The following SYNE1 variants were observed in gnomAD, a reference collection of about 807,000 sequenced individuals.
The protein encoded by SYNE1 is spectrin repeat containing nuclear envelope protein 1.
A neutral mutation model predicts 1,111.0 loss-of-function variants in SYNE1; 616 were observed. The ratio of observed to expected loss-of-function variants is 0.55; its 90% CI spans 0.52 to 0.59. The LOEUF is 0.59. Ranked by LOEUF, SYNE1 falls within the 20% of genes least tolerant of loss-of-function variation. The probability of loss-of-function intolerance (pLI) is 0.00; values close to 1 mark genes in which losing one functional copy is unlikely to be tolerated. For synonymous variants in SYNE1, 3,855 were observed against 3,825.8 expected, an observed-to-expected ratio of 1.01 and a Z score of -0.28; for missense variants, 10,006 against 10,417.0, an observed-to-expected ratio of 0.96 and a Z score of 1.72.
In SYNE1 at chr6:152,152,144, A is replaced by G. The variant is rs1405400564; in HGVS notation, c.24130-3T>C. Reference sequence around the variant, plus strand: ...TCGTGGACCTGTCGCTGGAAAGCCTAAGGCCACAGAGAAGCATATCAGTGT... The same window carrying G: ...TCGTGGACCTGTCGCTGGAAAGCCTGAGGCCACAGAGAAGCATATCAGTGT... On this transcript the variant is annotated splice_polypyrimidine_tract_variant and splice_region_variant and intron_variant, in intron 133 of 145. Transcript: ENST00000367255. 5 of 1,613,870 alleles carry G rather than the reference A, an allele frequency of 3.1e-6. 1 individual carries two copies. Among genetic ancestry groups the G allele is most frequent in the Non-Finnish European group, 2.5e-6 (3 of 1,179,944 alleles).
At chr6:152,510,458 AGTTAT>A (rs1203347013) in intron 7 of SYNE1, 87 bp from the exon 8 acceptor site, 2 of 1,453,726 alleles carry the variant, frequency 1.4e-6, no homozygotes, top group Admixed American at 2.0e-5. Flanking sequence ...GCAACAAATG[AGTTAT>A]GTTAACACTC....
At chr6:152,199,907 A>G (rs1193996082) in intron 127 of SYNE1, among the ~76,000 whole-genome samples, 3 of 152,194 alleles carry the variant, frequency 2.0e-5, no homozygotes, top group Non-Finnish European at 2.9e-5. Flanking sequence ...TGTAACTGTC[A>G]TGTTTTTTGG....
At chr6:152,324,951 T>G in intron 81 of SYNE1, 133 bp downstream of exon 81, 4 of 1,039,338 alleles carry the variant, frequency 3.8e-6, no homozygotes, top group Non-Finnish European at 5.8e-6. Flanking sequence ...AATTTTTATG[T>G]CACTGAAACA....
chr6:152,213,258 C>T (rs1445513266), intron 123 of SYNE1, among the ~76,000 whole-genome samples: 1 of 152,042 alleles, frequency 6.6e-6, no homozygotes, highest in Non-Finnish European at 1.5e-5. Flanking sequence ...AGCAATTGTC[C>T]TTGGCATATT....
chr6:152,476,351 T>C (rs920656398), intron 14 of SYNE1, among the ~76,000 whole-genome samples: 10 of 152,202 alleles, frequency 6.6e-5, no homozygotes, highest in African/African-American at 2.2e-4. Context: ...AATCATAGTG[T>C]CATTTATGAC....
chr6:152,573,153 G>T (rs1296063900), intron 3 of SYNE1, among the ~76,000 whole-genome samples: 1 of 152,020 alleles, frequency 6.6e-6, no homozygotes, highest in Non-Finnish European at 1.5e-5. Flanking sequence ...CCTACTTGAG[G>T]TCTCTATAGA....
intron 15 of SYNE1, 146 bp from the exon 16 acceptor site, chr6:152,471,911 CT>C: frequency 1.2e-6 from 1 of 810,318 alleles, no homozygotes; most frequent in Non-Finnish European, 2.0e-6. Context: ...AATCCGATTC[CT>C]TTTCTAGCTC....
intron 100 of SYNE1, among the ~76,000 whole-genome samples, chr6:152,266,745 T>G (rs527376794): frequency 3.3e-4 from 51 of 152,312 alleles, no homozygotes; most frequent in African/African-American, 1.2e-3. Flanking sequence ...ACATTTTTTG[T>G]CACAATATAT....
chr6:152,305,321 A>G (rs1311975318), intron 91 of SYNE1, among the ~76,000 whole-genome samples: 1 of 152,162 alleles, frequency 6.6e-6, no homozygotes, highest in African/African-American at 2.4e-5. Context: ...GCTGGAGTGC[A>G]GTGACACAAT....
At chr6:152,521,879 A>G (rs1325409844) in intron 5 of SYNE1, among the ~76,000 whole-genome samples, 1 of 152,024 alleles carries the variant, frequency 6.6e-6, no homozygotes, top group African/African-American at 2.4e-5. Context: ...GCAATCTTTT[A>G]TTGTCAATAT....
rs778820710 is a variant in SYNE1 at position 152,330,606 on chromosome 6, T to C, written c.14079A>G (p.Gln4693=). ...TGGGAACTTTGCTCATCCTCAAGAATTGGGCTTCAAGTTCACTCAGAGACT... is the reference window on the plus strand; with the variant it reads ...TGGGAACTTTGCTCATCCTCAAGAACTGGGCTTCAAGTTCACTCAGAGACT... ...TTQSLSELEA[Q]FLRMSKVPTD... The change falls in exon 78 of 146, where the codon CAA becomes CAG. Residue 4693 remains glutamine (Q), a synonymous_variant. Coordinates refer to ENST00000367255, the MANE Select transcript of SYNE1 (RefSeq NM_182961.4). 32 of 1,613,492 alleles carry C rather than the reference T, an allele frequency of 2.0e-5. No homozygotes were observed. Among genetic ancestry groups the C allele is most frequent in the Non-Finnish European group, 2.5e-5 (30 of 1,180,002 alleles).
At chr6:152,302,794 G>GA (rs2095243733) in intron 91 of SYNE1, among the ~76,000 whole-genome samples, 1 of 151,934 alleles carries the variant, frequency 6.6e-6, no homozygotes, top group East Asian at 1.9e-4. Flanking sequence ...ACTTGCTTTT[G>GA]AAAAAATAAT....
chr6:152,129,740 T>C (rs1252315138), intron 145 of SYNE1: 2 of 152,024 alleles, frequency 1.3e-5, no homozygotes, highest in African/African-American at 4.8e-5. Context: ...AAAACTAAAA[T>C]TATTACTCAA....
intron 91 of SYNE1, among the ~76,000 whole-genome samples, chr6:152,302,488 T>A (rs2095230695): frequency 6.6e-6 from 1 of 152,302 alleles, no homozygotes; most frequent in South Asian, 2.1e-4. Context: ...CCAAAAAAAA[T>A]GCAAGGCTCA....
chr6:152,525,957 T>C, intron 5 of SYNE1, 123 bp downstream of exon 5: 1 of 861,678 alleles, frequency 1.2e-6, no homozygotes, highest in Non-Finnish European at 1.9e-6. Context: ...TCCAGTATAC[T>C]ACCAACCACG....
intron 120 of SYNE1, 131 bp downstream of exon 120, chr6:152,218,872 T>G: frequency 1.0e-6 from 1 of 975,438 alleles, no homozygotes; most frequent in Non-Finnish European, 1.6e-6. Context: ...ACTTCCAAGT[T>G]TGTTTACTTG....
intron 20 of SYNE1, 64 bp downstream of exon 20, chr6:152,462,674 A>G (rs2098741334): frequency 6.2e-7 from 1 of 1,601,106 alleles, no homozygotes; most frequent in Non-Finnish European, 8.6e-7. Flanking sequence ...TGATCTGAAT[A>G]AACTTGCTGA....
At chr6:152,359,219 A>C in intron 65 of SYNE1, 96 bp downstream of exon 65, 1 of 1,556,136 alleles carries the variant, frequency 6.4e-7, no homozygotes, top group African/African-American at 1.4e-5. Context: ...CTGTTTTCCC[A>C]AGCCTGTCAT....
intron 12 of SYNE1, among the ~76,000 whole-genome samples, chr6:152,486,916 C>T (rs1038468950): frequency 2.0e-5 from 3 of 151,914 alleles, no homozygotes; most frequent in East Asian, 1.9e-4. Context: ...AATATGATGT[C>T]GAGTAGAATA....
Sources: allele counts gnomAD v4.1 joint callset (sites outside exome capture counted in the v4.1 genomes callset), GRCh38; gene constraint gnomAD v4.1.1; transcripts MANE v1.5; gene names NCBI Gene and HGNC (gene_info 2026-07-23, HGNC 2026-07-21).